Variants in OPCML observed in about 807,000 individuals in gnomAD.
The protein encoded by OPCML is opioid binding protein/cell adhesion molecule like.
OPCML carries 13 observed loss-of-function variants against 37.8 expected under a neutral mutation model. The ratio of observed to expected loss-of-function variants is 0.34; its 90% CI spans 0.22 to 0.55. The LOEUF (loss-of-function observed/expected upper bound fraction) is 0.55, where lower values mean the gene tolerates loss of function less well. Ranked by LOEUF, OPCML falls within the 20% of genes least tolerant of loss-of-function variation. The pLI is 0.91. For synonymous variants in OPCML, 176 were observed against 168.8 expected, an observed-to-expected ratio of 1.04 and a Z score of -0.33; for missense variants, 341 against 435.6, an observed-to-expected ratio of 0.78 and a Z score of 1.93.
rs559769903 is a variant in OPCML, at chr11:133,442,271, C to G, written c.61+89993G>C. Among the ~76,000 whole-genome samples, 310 of 152,118 alleles carry G rather than the reference C, an allele frequency of 2.0e-3. 1 individual carries two copies. The highest frequency in any genetic ancestry group is 7.3e-3 in the African/African-American group (303 of 41,492). ...TTTCAGTCATCAAATTGGCACAAAT[C>G]TTTTAAAAAGGTCAATAATAATTCA... On this transcript the variant is annotated intron_variant, in intron 1 of 7. Transcript: ENST00000524381.
At chr11:132,583,866 G>A (rs994615292) in intron 3 of OPCML, among the ~76,000 whole-genome samples, 9 of 151,274 alleles carry the variant, frequency 5.9e-5, no homozygotes, top group African/African-American at 1.2e-4. Flanking sequence ...CGCTCACCTC[G>A]GCCTCCCAAA....
chr11:133,058,815 T>C (rs1004579746), intron 1 of OPCML, among the ~76,000 whole-genome samples: 2 of 152,208 alleles, frequency 1.3e-5, no homozygotes, highest in Non-Finnish European at 2.9e-5. Context: ...ATAAAAATAA[T>C]CTGGCAAGAT....
intron 1 of OPCML, among the ~76,000 whole-genome samples, chr11:133,093,296 A>T (rs1346978): frequency 0.48 from 68,438 of 141,750 alleles, 17,330 homozygotes; most frequent in Admixed American, 0.6. Flanking sequence ...TCTTTTTTTT[A>T]AAATTTACTT....
chr11:132,883,985 A>G (rs971923457), intron 2 of OPCML, among the ~76,000 whole-genome samples: 2 of 152,176 alleles, frequency 1.3e-5, no homozygotes, highest in Non-Finnish European at 2.9e-5. Flanking sequence ...ATGGTGGAAC[A>G]TTCAAGAAGA....
At chr11:133,456,379 G>A (rs1328674687) in intron 1 of OPCML, among the ~76,000 whole-genome samples, 2 of 152,096 alleles carry the variant, frequency 1.3e-5, no homozygotes, top group East Asian at 1.9e-4. Flanking sequence ...AGGCTGAAAG[G>A]CCCCCTGATT....
At chr11:133,377,737 T>A (rs923076683) in intron 1 of OPCML, among the ~76,000 whole-genome samples, 29 of 151,698 alleles carry the variant, frequency 1.9e-4, no homozygotes, top group African/African-American at 6.8e-4. Context: ...CACAGTCACC[T>A]CAGGAACACA....
chr11:132,858,410 C>A (rs890061967), intron 2 of OPCML, among the ~76,000 whole-genome samples: 4 of 152,224 alleles, frequency 2.6e-5, no homozygotes, highest in African/African-American at 4.8e-5. Context: ...CGGCTTCCCC[C>A]TCCCTTGCTC....
intron 2 of OPCML, among the ~76,000 whole-genome samples, chr11:132,709,621 G>A (rs902129734): frequency 1.3e-4 from 20 of 152,146 alleles, no homozygotes; most frequent in Admixed American, 6.5e-4. Flanking sequence ...CCCTGGTTTC[G>A]GATCACTTGG....
intron 1 of OPCML, among the ~76,000 whole-genome samples, chr11:133,134,004 A>C (rs142697922): frequency 2.6e-3 from 400 of 152,264 alleles, no homozygotes; most frequent in African/African-American, 9.1e-3. Flanking sequence ...AGAATATGAG[A>C]TCGCTCCTGA....
intron 4 of OPCML, among the ~76,000 whole-genome samples, chr11:132,479,519 C>G (rs1443956223): frequency 6.6e-6 from 1 of 152,232 alleles, no homozygotes; most frequent in Non-Finnish European, 1.5e-5. Flanking sequence ...GGGTGGAGCC[C>G]ACCACAGCTC....
At chr11:133,257,581 T>C (rs928129572) in intron 1 of OPCML, among the ~76,000 whole-genome samples, 1 of 152,212 alleles carries the variant, frequency 6.6e-6, no homozygotes, top group African/African-American at 2.4e-5. Context: ...TGAGCTACAA[T>C]ACTGTGTCCA....
rs528791401 is a variant in OPCML, at chr11:133,035,205, C to T, written c.62-92195G>A. Among the ~76,000 whole-genome samples, 12 of 152,320 alleles carry T rather than the reference C, an allele frequency of 7.9e-5. 1 individual carries two copies. The highest frequency in any genetic ancestry group is 3.9e-4 in the East Asian group (2 of 5,174). On this transcript the variant is annotated intron_variant, in intron 1 of 7. Transcript: ENST00000524381. ...GCCCGACAGGGGAGGGTGTGCCGGG[C>T]GGCTTGCCACCCTATCTGTCATGTC... is the stretch of plus-strand genomic sequence containing the variant.
chr11:132,733,979 G>C (rs1272022188), intron 2 of OPCML, among the ~76,000 whole-genome samples: 1 of 152,128 alleles, frequency 6.6e-6, no homozygotes, highest in African/African-American at 2.4e-5. Context: ...GCCATGCCTA[G>C]GTGTATGACA....
chr11:133,465,782 C>T (rs149444120), intron 1 of OPCML, among the ~76,000 whole-genome samples: 5 of 152,122 alleles, frequency 3.3e-5, no homozygotes, highest in South Asian at 2.1e-4. Flanking sequence ...GATCGTCCAC[C>T]GTAAAGGGAC....
At chr11:133,265,067 T>C (rs578247318) in intron 1 of OPCML, among the ~76,000 whole-genome samples, 1 of 152,088 alleles carries the variant, frequency 6.6e-6, no homozygotes, top group African/African-American at 2.4e-5. Flanking sequence ...GACAGTGAAA[T>C]GGTGTGACAC....
At chr11:133,472,294 C>T (rs554807092) in intron 1 of OPCML, among the ~76,000 whole-genome samples, 31 of 152,182 alleles carry the variant, frequency 2.0e-4, no homozygotes, top group African/African-American at 7.0e-4. Context: ...CATTTCTCTG[C>T]ATTATCTTCT....
intron 1 of OPCML, among the ~76,000 whole-genome samples, chr11:133,082,930 G>C (rs1195569693): frequency 1.3e-5 from 2 of 150,500 alleles, no homozygotes; most frequent in African/African-American, 4.9e-5. Context: ...CCAGGGGCCG[G>C]GGCGGACGTC....
chr11:133,245,561 G>C (rs543282713), intron 1 of OPCML, among the ~76,000 whole-genome samples: 17 of 152,118 alleles, frequency 1.1e-4, no homozygotes, highest in Non-Finnish European at 2.4e-4. Flanking sequence ...ACTGAGTTAA[G>C]GCCTTCCTGA....
intron 1 of OPCML, among the ~76,000 whole-genome samples, chr11:133,204,054 GTCTCAAA>G (rs1938922356): frequency 2.6e-5 from 1 of 38,848 alleles, no homozygotes; most frequent in Non-Finnish European, 4.5e-5. Flanking sequence ...GCGAGACTCT[GTCTCAAA>G]AAAAAAAAAA....
Sources: gnomAD v4.1 joint callset for allele counts (sites outside exome capture counted in the v4.1 genomes callset) on GRCh38, gnomAD v4.1.1 for gene constraint, MANE v1.5 for transcripts, NCBI Gene and HGNC (gene_info 2026-07-23, HGNC 2026-07-21) for gene names.